Variants in SHISA9 observed in about 807,000 individuals in gnomAD.
The protein encoded by SHISA9 is protein shisa-9.
SHISA9 carries 13 observed loss-of-function variants against 38.0 expected under a neutral mutation model. The observed-to-expected ratio is 0.34, with a 90% CI of 0.22 to 0.54. SHISA9 has a LOEUF of 0.54. Ranked by LOEUF, SHISA9 falls within the 20% of genes least tolerant of loss-of-function variation. SHISA9 has a pLI of 0.91. For synonymous variants in SHISA9, 275 were observed against 242.0 expected (o/e 1.14, Z -1.27); for missense variants, 538 against 575.8 (o/e 0.93, Z 0.67).
At chr16:12,949,215 G>A (rs1329229090) in intron 2 of SHISA9, among the ~76,000 whole-genome samples, 2 of 152,184 alleles carry the variant, frequency 1.3e-5, no homozygotes, top group Non-Finnish European at 2.9e-5. Flanking sequence ...AAGTCTGGAA[G>A]GGAGTGATGG....
At chr16:13,147,836 T>A (rs1448969997) in intron 2 of SHISA9, among the ~76,000 whole-genome samples, 1 of 152,172 alleles carries the variant, frequency 6.6e-6, no homozygotes, top group Non-Finnish European at 1.5e-5. Flanking sequence ...TGTTTCATTT[T>A]TGGACACCTC....
the SHISA9 span, among the ~76,000 whole-genome samples, chr16:13,277,660 T>G: frequency 6.6e-6 from 1 of 151,048 alleles, no homozygotes; most frequent in Non-Finnish European, 1.5e-5. Flanking sequence ...ATTCCTAAGT[T>G]TTTTTTTTCT....
At chr16:13,327,749 C>T in the SHISA9 span, among the ~76,000 whole-genome samples, 2 of 151,986 alleles carry the variant, frequency 1.3e-5, no homozygotes, top group South Asian at 2.1e-4. Flanking sequence ...CTCCGCCTCC[C>T]GAGTTCAAGT....
the SHISA9 span, among the ~76,000 whole-genome samples, chr16:13,527,674 T>A: frequency 2.2e-3 from 332 of 152,232 alleles, 1 homozygote; most frequent in African/African-American, 7.7e-3. Flanking sequence ...GAATTCAAGT[T>A]CCTAGTTATC....
chr16:13,445,402 C>A, the SHISA9 span, among the ~76,000 whole-genome samples: 2,872 of 152,194 alleles, frequency 0.019, 106 homozygotes, highest in African/African-American at 0.065. Flanking sequence ...CTTTTCTGTT[C>A]ATTACTGAAG....
rs749410696 is a variant in SHISA9 at position 13,071,102 on chromosome 16, G to C, written c.692-132292G>C. On this transcript the variant is annotated intron_variant, in intron 2 of 4. Transcript: ENST00000558583. ...TGACAAGACATTCTAGAAATGGATG[G>C]TGTGATGTTTGCACAACAATGTGAA... Among the ~76,000 whole-genome samples, 68 of 151,920 alleles carry C rather than the reference G, an allele frequency of 4.5e-4. 1 individual carries two copies. The highest frequency in any genetic ancestry group is 8.7e-4 in the Non-Finnish European group (59 of 68,028).
chr16:13,211,313 G>GA (rs993438167), intron 3 of SHISA9, among the ~76,000 whole-genome samples: 20 of 138,586 alleles, frequency 1.4e-4, no homozygotes, highest in African/African-American at 2.4e-4. Flanking sequence ...CTCAAGAAAA[G>GA]AAAAAAAAAA....
At chr16:13,491,817 CCTTTTTTTTTTTTTTTTT>C in the SHISA9 span, among the ~76,000 whole-genome samples, 2 of 46,892 alleles carry the variant, frequency 4.3e-5, no homozygotes, top group Non-Finnish European at 7.9e-5. Flanking sequence ...TATTTATTGA[CCTTTTTTTTTTTTTTTTT>C]TTTTTTTTTT....
chr16:13,322,967 T>C, the SHISA9 span, among the ~76,000 whole-genome samples: 4 of 152,082 alleles, frequency 2.6e-5, no homozygotes, highest in Admixed American at 6.5e-5. Flanking sequence ...CTGTGAGAAG[T>C]AGGAATACTG....
intron 2 of SHISA9, among the ~76,000 whole-genome samples, chr16:13,202,048 G>C: frequency 8.9e-6 from 1 of 112,388 alleles, no homozygotes; most frequent in East Asian, 2.3e-4. Flanking sequence ...CCAGTGATGG[G>C]ATGGATAGAC....
the SHISA9 span, among the ~76,000 whole-genome samples, chr16:13,507,494 A>G: frequency 6.6e-6 from 1 of 152,168 alleles, no homozygotes; most frequent in African/African-American, 2.4e-5. Flanking sequence ...CTCTTGTTCC[A>G]GATGCAGACT....
At chr16:13,218,153 A>T (rs2051189304) in intron 4 of SHISA9, among the ~76,000 whole-genome samples, 1 of 152,210 alleles carries the variant, frequency 6.6e-6, no homozygotes, top group Admixed American at 6.5e-5. Context: ...ACCGCAAAAG[A>T]AAAGTACGTC....
the SHISA9 span, among the ~76,000 whole-genome samples, chr16:13,508,423 T>C: frequency 6.6e-6 from 1 of 152,228 alleles, no homozygotes. Flanking sequence ...CTTATTTTTT[T>C]AATGTCTGAA....
rs866823728 is a variant in SHISA9, at chr16:12,902,128, C to T, written c.64C>T (p.Arg22Trp). The T allele has an allele frequency of 6.7e-7, 1 of 1,501,738 alleles. No homozygotes were observed. The allele number at this position is 1,501,738 out of a possible 1,614,324, so 93.0% of individuals were successfully genotyped here. Residue 22 changes from arginine to tryptophan, a missense_variant, in exon 1 of 5, where the codon CGG becomes TGG. Arg to Trp is a moderately radical substitution (Grantham distance 101). This residue lies in a region of SHISA9 where 107 missense variants were observed against 103.0 expected (regional missense o/e 1.04). Transcript: ENST00000558583. The stretch of plus-strand genomic sequence containing the variant: ...CACCGAGCTGTGCGCCCGCGTGTGC[C>T]GGGCGCAGGAGCGAGCGGGACACGG... ...FLTELCARVCRAQERAGHGQL... is the reference protein window; with the variant it reads ...FLTELCARVCWAQERAGHGQL...
At chr16:13,216,254 G>C (rs1403791573) in intron 4 of SHISA9, among the ~76,000 whole-genome samples, 3 of 150,778 alleles carry the variant, frequency 2.0e-5, no homozygotes, top group Non-Finnish European at 4.4e-5. Context: ...GCATATATGG[G>C]TTCCAATACA....
At chr16:13,472,977 G>C in the SHISA9 span, among the ~76,000 whole-genome samples, 3 of 152,098 alleles carry the variant, frequency 2.0e-5, no homozygotes, top group African/African-American at 7.2e-5. Flanking sequence ...GATCAGTTTT[G>C]ATTATTTAAT....
the SHISA9 span, among the ~76,000 whole-genome samples, chr16:13,537,197 G>A: frequency 2.6e-5 from 4 of 152,214 alleles, no homozygotes; most frequent in African/African-American, 7.2e-5. Flanking sequence ...GGAGGCCTAC[G>A]GGGGCAAATC....
the SHISA9 span, among the ~76,000 whole-genome samples, chr16:13,379,212 G>C: frequency 6.6e-6 from 1 of 152,176 alleles, no homozygotes. Flanking sequence ...ATATGAAAAA[G>C]AGGCAAGAAG....
At chr16:13,013,358 G>T (rs1222941339) in intron 2 of SHISA9, among the ~76,000 whole-genome samples, 2 of 152,176 alleles carry the variant, frequency 1.3e-5, no homozygotes, top group African/African-American at 4.8e-5. Flanking sequence ...GCCTGTCCTG[G>T]CTTTAGAGGT....
Sources: allele counts gnomAD v4.1 joint callset (sites outside exome capture counted in the v4.1 genomes callset), GRCh38; gene constraint gnomAD v4.1.1; regional missense constraint gnomAD v4.1.1; transcripts MANE v1.5; gene names NCBI Gene and HGNC (gene_info 2026-07-23, HGNC 2026-07-21).